MRO: variants seen among roughly 807,000 people sequenced by gnomAD.
The protein encoded by MRO is maestro, also known as protein maestro.
A neutral mutation model predicts 31.0 loss-of-function variants in MRO; 28 were observed. That is an observed-to-expected ratio of 0.90 (90% CI 0.67 to 1.24). The LOEUF (loss-of-function observed/expected upper bound fraction) is 1.24, where lower values mean the gene tolerates loss of function less well. Among genes scored for constraint, MRO ranks in the 50% most tolerant of loss-of-function variants. The probability of loss-of-function intolerance (pLI) is 0.00; values close to 1 mark genes in which losing one functional copy is unlikely to be tolerated. For synonymous variants in MRO, 108 were observed against 108.4 expected (o/e 1.00, Z 0.02); for missense variants, 332 against 289.2 (o/e 1.15, Z -1.07).
rs1390971689 is a variant in MRO at position 50,798,415 on chromosome 18, TC to T, written c.*921del. 1 of 152,164 alleles carries T rather than the reference TC, an allele frequency of 6.6e-6. No homozygotes were observed. Among genetic ancestry groups the T allele is most frequent in the Non-Finnish European group, 1.5e-5 (1 of 68,036 alleles). 9.4% of individuals were successfully genotyped at this position (152,164 alleles called of 1,614,324 possible). On this transcript the variant is annotated 3_prime_UTR_variant, in exon 8 of 8. Coordinates refer to ENST00000398439, the MANE Select transcript of MRO (RefSeq NM_031939.6). ...TGTTTTTAACATTTCTAACCATCCATCAGTTATTCCATGGAAAGGCAGGATG... is the reference window on the plus strand; with the variant it reads ...TGTTTTTAACATTTCTAACCATCCATAGTTATTCCATGGAAAGGCAGGATG...
At position 50,801,571 on chromosome 18, in the gene MRO, A is replaced by ACAT. The variant is rs371421426; in HGVS notation, c.430-70_430-68dup. ...TACCAAAAGGCAACTGCATCTGAAC[A>ACAT]CATCACAGCCATCGGTCAGAACACA... is the stretch of plus-strand genomic sequence containing the variant. On this transcript the variant is annotated intron_variant, in intron 5 of 7. Coordinates refer to ENST00000398439, the MANE Select transcript of MRO (RefSeq NM_031939.6). 2.4e-4 allele frequency: 345 copies of ACAT among 1,441,316 alleles called. 1 individual carries two copies. In the African/African-American group the frequency reaches 4.4e-3, roughly 18 times the overall value. The allele number at this position is 1,441,316 out of a possible 1,614,324, so 89.3% of individuals were successfully genotyped here.
intron 4 of MRO, 65 bp from the exon 5 acceptor site, chr18:50,805,401 C>T: frequency 7.4e-7 from 1 of 1,350,110 alleles, no homozygotes; most frequent in East Asian, 2.3e-5. Flanking sequence ...GAAAAGCAAC[C>T]CCACATCTAA....
In MRO at chr18:50,806,869, A is replaced by C. The variant is rs1211681971; in HGVS notation, c.100-19T>G. ...AAGAGACCTGGGTGATGGGTCAAAA[A>C]TGTATTAATTTGGGAGTGTTCAGAG... On this transcript the variant is annotated intron_variant, in intron 3 of 7. Transcript: ENST00000398439. 6.2e-7 allele frequency: 1 copy of C among 1,613,354 alleles called. No homozygotes were observed. The highest frequency in any genetic ancestry group is 8.5e-7 in the Non-Finnish European group (1 of 1,179,640).
chr18:50,800,647 G>A (rs1212852498), intron 6 of MRO, among the ~76,000 whole-genome samples: 2 of 152,214 alleles, frequency 1.3e-5, no homozygotes, highest in African/African-American at 4.8e-5. Flanking sequence ...CACCTTGGGA[G>A]GCTGAGGTGG....
At chr18:50,810,601 C>T (rs1470383852) in intron 2 of MRO, among the ~76,000 whole-genome samples, 1 of 152,124 alleles carries the variant, frequency 6.6e-6, no homozygotes, top group Admixed American at 6.5e-5. Flanking sequence ...GTAATTTTAC[C>T]ATGCGCATGT....
chr18:50,796,797 C>T lies in MRO; in HGVS notation c.*2540G>A, dbSNP rs1459920511. 6.6e-6 allele frequency: 1 copy of T among 152,210 alleles called. No homozygotes were observed. Among genetic ancestry groups the T allele is most frequent in the Non-Finnish European group, 1.5e-5 (1 of 68,036 alleles). 9.4% of individuals were successfully genotyped at this position (152,210 alleles called of 1,614,324 possible). On this transcript the variant is annotated 3_prime_UTR_variant, in exon 8 of 8. Transcript: ENST00000398439. ...TGGACATTGGACTTTATTCCCTCTA[C>T]AATTTGGAATCATTTAGTCATTCAG...
At chr18:50,816,412 T>A (rs748328976) in intron 2 of MRO, among the ~76,000 whole-genome samples, 1 of 152,246 alleles carries the variant, frequency 6.6e-6, no homozygotes, top group Non-Finnish European at 1.5e-5. Context: ...AATAAAAAAT[T>A]AAGGAATTTT....
chr18:50,812,489 T>C (rs1384549308), intron 2 of MRO, among the ~76,000 whole-genome samples: 2 of 152,218 alleles, frequency 1.3e-5, no homozygotes, highest in East Asian at 3.9e-4. Flanking sequence ...ATAACGTCTG[T>C]TGTGCAGAAA....
intron 3 of MRO, among the ~76,000 whole-genome samples, chr18:50,807,914 C>T (rs541517063): frequency 4.6e-5 from 7 of 152,142 alleles, no homozygotes; most frequent in Non-Finnish European, 1.0e-4. Context: ...CCTGAAACCC[C>T]GTCTCTATAA....
At chr18:50,803,006 A>G (rs528949489) in intron 5 of MRO, among the ~76,000 whole-genome samples, 7 of 152,208 alleles carry the variant, frequency 4.6e-5, no homozygotes, top group African/African-American at 1.7e-4. Context: ...TAAGATGTAC[A>G]GACACGTAAG....
chr18:50,798,998 AT>A lies in MRO; in HGVS notation c.*338del, dbSNP rs1312437631. 5.3e-6 allele frequency: 1 copy of A among 188,632 alleles called. No homozygotes were observed. Among genetic ancestry groups the A allele is most frequent in the African/African-American group, 2.3e-5 (1 of 42,554 alleles). The allele number at this position is 188,632 out of a possible 1,614,324, so 11.7% of individuals were successfully genotyped here. The stretch of plus-strand genomic sequence containing the variant: ...AAGCCTCAGAAATTGAGTATTAAAA[AT>A]AAAAGCTAGGTGACAGAGATGAACT... On this transcript the variant is annotated 3_prime_UTR_variant, in exon 8 of 8. Coordinates refer to ENST00000398439, the MANE Select transcript of MRO (RefSeq NM_031939.6).
intron 2 of MRO, among the ~76,000 whole-genome samples, chr18:50,819,061 G>GA (rs11300287): frequency 0.016 from 2,357 of 148,806 alleles, 21 homozygotes; most frequent in Middle Eastern, 0.038. Context: ...TCAAAAAAAT[G>GA]AAAAAAAAAA....
At chr18:50,821,720 G>C (rs1389565798), upstream of MRO, among the ~76,000 whole-genome samples, 1 of 152,190 alleles carries the variant, frequency 6.6e-6, no homozygotes, top group Non-Finnish European at 1.5e-5. Context: ...ATATTTGACA[G>C]AGAAATAGTA....
chr18:50,818,569 G>A (rs1915122181), intron 2 of MRO, among the ~76,000 whole-genome samples: 2 of 152,244 alleles, frequency 1.3e-5, no homozygotes, highest in South Asian at 4.1e-4. Context: ...ACTCCCATCT[G>A]CTTTTGCAAA....
chr18:50,819,772 T>C, intron 1 of MRO, 70 bp from the exon 2 acceptor site: 4 of 1,547,794 alleles, frequency 2.6e-6, no homozygotes, highest in African/African-American at 2.7e-5. Context: ...GCACAGAGTG[T>C]TGGAAAGTGA....
In MRO at chr18:50,817,443, T is replaced by C. The variant is rs542481351; in HGVS notation, c.-5+2138A>G. On this transcript the variant is annotated intron_variant, in intron 2 of 7. Coordinates refer to ENST00000398439, the MANE Select transcript of MRO (RefSeq NM_031939.6). ...AGGAGTCTGAGGCTGCCGTAAGCCA[T>C]GATTGCGCCACTGCACTCCAGCTGG... is the stretch of plus-strand genomic sequence containing the variant. Among the ~76,000 whole-genome samples the C allele has an allele frequency of 2.6e-5, 4 of 152,114 alleles. No homozygotes were observed. In the South Asian group the frequency reaches 6.2e-4, roughly 24 times the overall value.
intron 4 of MRO, among the ~76,000 whole-genome samples, chr18:50,805,776 G>A (rs1302060560): frequency 6.6e-6 from 1 of 152,074 alleles, no homozygotes; most frequent in Admixed American, 6.5e-5. Flanking sequence ...CACCAGGAAG[G>A]GTAACAGCTG....
intron 6 of MRO, among the ~76,000 whole-genome samples, 153 bp downstream of exon 6, chr18:50,801,196 A>G (rs576900398): frequency 3.3e-5 from 5 of 152,298 alleles, no homozygotes; most frequent in South Asian, 4.1e-4. Context: ...ATTACACACC[A>G]AAGAGGCACC....
upstream of MRO, chr18:50,823,908 T>G (rs751606214): frequency 7.8e-5 from 14 of 179,530 alleles, no homozygotes; most frequent in Non-Finnish European, 1.7e-4. Context: ...GGTAGATTCT[T>G]GGATCATTGA....
Sources: gnomAD v4.1 joint callset for allele counts (sites outside exome capture counted in the v4.1 genomes callset) on GRCh38, gnomAD v4.1.1 for gene constraint, MANE v1.5 for transcripts, NCBI Gene and HGNC (gene_info 2026-07-23, HGNC 2026-07-21) for gene names.